CLEC5A: variants seen among roughly 807,000 people sequenced by gnomAD.
CLEC5A encodes C-type lectin domain containing 5A, also known as C-type lectin domain family 5 member A.
In CLEC5A, 15 loss-of-function variants were observed where a neutral mutation model predicts 24.4. The observed-to-expected ratio is 0.62, with a 90% CI of 0.41 to 0.95. The LOEUF is 0.95. Among genes scored for constraint, CLEC5A ranks in the 40% least tolerant of loss-of-function variants. The probability of loss-of-function intolerance (pLI) is 0.00; values close to 1 mark genes in which losing one functional copy is unlikely to be tolerated. For synonymous variants in CLEC5A, 71 were observed against 72.6 expected (o/e 0.98, Z 0.11); for missense variants, 211 against 224.0 (o/e 0.94, Z 0.37).
At chr7:141,938,921 T>C (rs879960928) in intron 4 of CLEC5A, among the ~76,000 whole-genome samples, 4 of 152,074 alleles carry the variant, frequency 2.6e-5, no homozygotes, top group Admixed American at 2.6e-4. Flanking sequence ...CTGATGAAAA[T>C]ATCCTTCAAA....
intron 6 of CLEC5A, among the ~76,000 whole-genome samples, chr7:141,931,133 A>G (rs1802444447): frequency 6.6e-6 from 1 of 152,236 alleles, no homozygotes; most frequent in African/African-American, 2.4e-5. Flanking sequence ...AGTTGCTTAT[A>G]ATAACCTTTC....
chr7:141,931,871 C>A, intron 5 of CLEC5A, 45 bp from the exon 6 acceptor site: 1 of 854,612 alleles, frequency 1.2e-6, no homozygotes, highest in South Asian at 1.5e-5. Context: ...TTTAATGATG[C>A]CTCTCTTGAG....
intron 4 of CLEC5A, among the ~76,000 whole-genome samples, chr7:141,939,025 C>T (rs1458031877): frequency 2.0e-5 from 3 of 152,152 alleles, no homozygotes; most frequent in African/African-American, 7.2e-5. Flanking sequence ...AAAAACAGCT[C>T]TTTAATCTGA....
In CLEC5A at chr7:141,929,281, A is replaced by C. The variant is rs953082574; in HGVS notation, c.*823T>G. 3.3e-5 allele frequency: 5 copies of C among 152,202 alleles called. No individual in the cohort carries two copies. Among genetic ancestry groups the C allele is most frequent in the Non-Finnish European group, 5.9e-5 (4 of 68,046 alleles). The allele number at this position is 152,202 out of a possible 1,614,324, so 9.4% of individuals were successfully genotyped here. On this transcript the variant is annotated 3_prime_UTR_variant, in exon 7 of 7. Transcript: ENST00000546910. ...TTATTGTTGCCTAAGAGACTATCCA[A>C]AATTTTAAAAATACTCAACAAATAC... is the stretch of plus-strand genomic sequence containing the variant.
rs781972246 is a variant in CLEC5A at position 141,946,257 on chromosome 7, C to T, written c.36G>A (p.Val12=). 8.3e-6 allele frequency: 13 copies of T among 1,572,564 alleles called. No homozygotes were observed. Among genetic ancestry groups the T allele is most frequent in the Admixed American group, 3.8e-5 (2 of 53,060 alleles). The change falls in exon 2 of 7, where the codon GTG becomes GTA. Residue 12 remains valine, a synonymous_variant. Transcript: ENST00000546910. The stretch of plus-strand genomic sequence containing the variant: ...TCATTCCAACAACTTTAAGCACTAC[C>T]ACAATAAGCCCAGAGATGATCATGT... The part of the protein sequence containing the change: ...NWHMIISGLI[V]VVLKVVGMTL...
intron 3 of CLEC5A, among the ~76,000 whole-genome samples, 153 bp downstream of exon 3, chr7:141,945,188 C>T (rs1554442002): frequency 6.6e-6 from 1 of 152,132 alleles, no homozygotes; most frequent in Non-Finnish European, 1.5e-5. Flanking sequence ...TTGGTTTTCT[C>T]ATATGTAAAA....
chr7:141,943,252 C>A (rs533851214), intron 4 of CLEC5A, among the ~76,000 whole-genome samples: 1 of 152,054 alleles, frequency 6.6e-6, no homozygotes, highest in South Asian at 2.1e-4. Context: ...ATAAAAAAAT[C>A]AGATCCTGTC....
At chr7:141,937,071 G>A (rs139568855) in intron 4 of CLEC5A, among the ~76,000 whole-genome samples, 12 of 152,126 alleles carry the variant, frequency 7.9e-5, no homozygotes, top group African/African-American at 2.6e-4. Flanking sequence ...TAGGTAGTAT[G>A]TTATGGGCCT....
intron 2 of CLEC5A, 98 bp from the exon 3 acceptor site, chr7:141,945,498 T>A: frequency 1.2e-6 from 1 of 838,010 alleles, no homozygotes. Flanking sequence ...GTACTGTGAC[T>A]ATTAGTGGGA....
At chr7:141,946,137 C>G (rs1802947594) in intron 2 of CLEC5A, 77 bp downstream of exon 2, 2 of 1,469,710 alleles carry the variant, frequency 1.4e-6, no homozygotes, top group Non-Finnish European at 1.9e-6. Context: ...CCTTTACACA[C>G]AACCATGCAT....
intron 3 of CLEC5A, among the ~76,000 whole-genome samples, chr7:141,944,701 C>A (rs1376708823): frequency 6.6e-6 from 1 of 152,170 alleles, no homozygotes; most frequent in African/African-American, 2.4e-5. Context: ...TGGTTGAAGA[C>A]CACTTTACTC....
At chr7:141,939,612 T>C (rs1802726735) in intron 4 of CLEC5A, among the ~76,000 whole-genome samples, 1 of 152,054 alleles carries the variant, frequency 6.6e-6, no homozygotes, top group South Asian at 2.1e-4. Flanking sequence ...TGTAAATGGA[T>C]TAAACTTTCC....
At chr7:141,935,178 G>T (rs6960597) in intron 5 of CLEC5A, among the ~76,000 whole-genome samples, 1,882 of 152,338 alleles carry the variant, frequency 0.012, 33 homozygotes, top group African/African-American at 0.043. Context: ...AGAAGCAAGA[G>T]TATAGTGTAT....
intron 4 of CLEC5A, among the ~76,000 whole-genome samples, chr7:141,943,472 TG>T (rs1554441803): frequency 6.6e-6 from 1 of 151,886 alleles, no homozygotes; most frequent in East Asian, 1.9e-4. Flanking sequence ...GGCTTGTTAA[TG>T]GGTACTAAAA....
chr7:141,931,972 C>A, intron 5 of CLEC5A, 146 bp from the exon 6 acceptor site: 1 of 488,316 alleles, frequency 2.0e-6, no homozygotes. Flanking sequence ...CACAACTAAC[C>A]CTAAAGAAGT....
rs200934951 is a variant in CLEC5A, at chr7:141,931,782, G to A, written c.390C>T (p.Gly130=). The change falls in exon 6 of 7, where the codon GGC becomes GGT. Residue 130 remains glycine, a synonymous_variant. Transcript: ENST00000546910. The part of the protein sequence containing the change: ...DITDAEKYFI[G]LIYHREEKRW... ...TTTTCTCTTCACGATGGTAAATTAA[G>A]CCAATAAAATACTTCTCAGCATCAG... 6.2e-7 allele frequency: 1 copy of A among 1,608,580 alleles called. No individual in the cohort carries two copies. Among genetic ancestry groups the A allele is most frequent in the African/African-American group, 1.3e-5 (1 of 74,868 alleles).
intron 5 of CLEC5A, among the ~76,000 whole-genome samples, chr7:141,933,669 G>A (rs1802533687): frequency 6.7e-6 from 1 of 148,554 alleles, no homozygotes; most frequent in African/African-American, 2.5e-5. Flanking sequence ...AGCCACTATT[G>A]TTTGAAAAAG....
rs906328804 is a variant in CLEC5A at position 141,933,615 on chromosome 7, T to C, written c.346-1789A>G. ...ATATATATATATATATATATATATA[T>C]ACTTGTTATATAACCTATTTGTGTA... On this transcript the variant is annotated intron_variant, in intron 5 of 6. Transcript: ENST00000546910. Among the ~76,000 whole-genome samples the C allele has an allele frequency of 8.2e-4, 99 of 121,196 alleles. 3 individuals carry two copies. Among genetic ancestry groups the C allele is most frequent in the African/African-American group, 2.8e-3 (91 of 32,156 alleles). 79.5% of individuals were successfully genotyped at this position (121,196 alleles called of 152,430 possible). A position where few individuals can be genotyped will look rare whatever the true frequency, so the allele number is the denominator to read the frequency against.
rs1310558257 is a variant in CLEC5A, at chr7:141,932,594, C to T, written c.346-768G>A. Among the ~76,000 whole-genome samples the T allele has an allele frequency of 2.0e-5, 3 of 152,190 alleles. No individual in the cohort carries two copies. In the East Asian group the frequency reaches 5.8e-4, roughly 29 times the overall value. On this transcript the variant is annotated intron_variant, in intron 5 of 6. Transcript: ENST00000546910. ...TTTTCTGAAATATCTTATTTCATTA[C>T]TTTTTAATTAATTACTGAATGTTCT...
Sources: allele counts gnomAD v4.1 joint callset (sites outside exome capture counted in the v4.1 genomes callset), GRCh38; gene constraint gnomAD v4.1.1; transcripts MANE v1.5; gene names NCBI Gene and HGNC (gene_info 2026-07-23, HGNC 2026-07-21).